Variants in EBF2 observed in about 807,000 individuals in gnomAD.
EBF2 encodes the protein EBF transcription factor 2.
In EBF2, 21 loss-of-function variants were observed where a neutral mutation model predicts 72.8. The observed-to-expected ratio is 0.29, with a 90% CI of 0.20 to 0.42. The LOEUF is 0.42. EBF2 is among the 10% of genes least tolerant of loss of function. The pLI, the probability that EBF2 is intolerant of heterozygous loss-of-function variation, is 1.00. For synonymous variants in EBF2, 299 were observed against 274.2 expected (o/e 1.09, Z -0.89); for missense variants, 637 against 731.2 (o/e 0.87, Z 1.49).
chr8:25,984,062 G>A (rs1804407405), intron 6 of EBF2, among the ~76,000 whole-genome samples: 1 of 152,164 alleles, frequency 6.6e-6, no homozygotes, highest in African/African-American at 2.4e-5. Flanking sequence ...CAACGTCAAA[G>A]ACAGGAAAGA....
intron 10 of EBF2, among the ~76,000 whole-genome samples, chr8:25,865,160 A>C (rs181711613): frequency 6.6e-6 from 1 of 152,258 alleles, no homozygotes; most frequent in East Asian, 1.9e-4. Context: ...ATTTCAAAAA[A>C]AATTTCAGTT....
chr8:25,850,508 T>C, intron 15 of EBF2, 86 bp downstream of exon 15: 2 of 1,388,070 alleles, frequency 1.4e-6, no homozygotes, highest in Non-Finnish European at 1.9e-6. Context: ...GGTAAATGGC[T>C]GGAGCTATAC....
intron 6 of EBF2, among the ~76,000 whole-genome samples, chr8:25,978,578 G>A (rs1804304983): frequency 6.6e-6 from 1 of 152,148 alleles, no homozygotes; most frequent in Admixed American, 6.5e-5. Flanking sequence ...ACAAGGTGCA[G>A]CCCTCCTGAG....
intron 14 of EBF2, among the ~76,000 whole-genome samples, chr8:25,855,924 GC>G (rs1249770253): frequency 6.6e-6 from 1 of 152,132 alleles, no homozygotes; most frequent in African/African-American, 2.4e-5. Context: ...TGGGCAGGTT[GC>G]CTTCCTCTTT....
At chr8:26,036,940 A>G (rs983184967) in intron 5 of EBF2, among the ~76,000 whole-genome samples, 20 of 152,174 alleles carry the variant, frequency 1.3e-4, no homozygotes, top group Admixed American at 3.3e-4. Context: ...GAGAAGAGGA[A>G]ACTGAGCTTG....
chr8:25,928,800 A>AAAAAAC (rs1554570965), intron 6 of EBF2, among the ~76,000 whole-genome samples: 15 of 151,246 alleles, frequency 9.9e-5, no homozygotes, highest in African/African-American at 3.6e-4. Context: ...AAAAAAAAAA[A>AAAAAAC]ACCAGGGAAA....
intron 6 of EBF2, among the ~76,000 whole-genome samples, chr8:25,915,580 G>A (rs1349998564): frequency 6.9e-6 from 1 of 144,454 alleles, no homozygotes; most frequent in Non-Finnish European, 1.5e-5. Flanking sequence ...CAAAGAGATG[G>A]CATAGCCCAA....
chr8:25,997,728 G>C (rs1451137935), intron 6 of EBF2, among the ~76,000 whole-genome samples: 2 of 152,180 alleles, frequency 1.3e-5, no homozygotes, highest in Non-Finnish European at 2.9e-5. Flanking sequence ...TGAGAAGGCA[G>C]TTTCTCTCTC....
At chr8:25,964,044 A>G (rs1361544276) in intron 6 of EBF2, among the ~76,000 whole-genome samples, 1 of 152,174 alleles carries the variant, frequency 6.6e-6, no homozygotes, top group African/African-American at 2.4e-5. Flanking sequence ...ACTTTGTATC[A>G]ATAGGATCAA....
At chr8:25,963,575 G>A (rs904846620) in intron 6 of EBF2, among the ~76,000 whole-genome samples, 2 of 152,060 alleles carry the variant, frequency 1.3e-5, no homozygotes, top group Non-Finnish European at 2.9e-5. Context: ...CAAAATGAGG[G>A]TCTCATTTTC....
chr8:26,031,184 T>C (rs944414071), intron 6 of EBF2, among the ~76,000 whole-genome samples: 2 of 152,104 alleles, frequency 1.3e-5, no homozygotes, highest in African/African-American at 4.8e-5. Context: ...AAAGAGAAGC[T>C]AAAGATAGTG....
chr8:25,993,113 C>T (rs150716316), intron 6 of EBF2, among the ~76,000 whole-genome samples: 1 of 152,022 alleles, frequency 6.6e-6, no homozygotes, highest in African/African-American at 2.4e-5. Context: ...AAATCCACTC[C>T]CCTGAAAAAC....
At chr8:25,969,928 C>T (rs1804166469) in intron 6 of EBF2, among the ~76,000 whole-genome samples, 1 of 152,190 alleles carries the variant, frequency 6.6e-6, no homozygotes, top group South Asian at 2.1e-4. Context: ...GTAAGGCAGG[C>T]TTAGCACAGT....
At chr8:26,003,856 C>T (rs573530678) in intron 6 of EBF2, among the ~76,000 whole-genome samples, 1 of 152,132 alleles carries the variant, frequency 6.6e-6, no homozygotes, top group Non-Finnish European at 1.5e-5. Flanking sequence ...ACCTCTCTGG[C>T]GAAGCACCAG....
chr8:25,876,640 C>T (rs1238397651), intron 10 of EBF2, among the ~76,000 whole-genome samples: 3 of 152,100 alleles, frequency 2.0e-5, no homozygotes, highest in Non-Finnish European at 2.9e-5. Flanking sequence ...CCAAGTAAAA[C>T]AAGACAAGAC....
chr8:26,003,857 G>A (rs535851523), intron 6 of EBF2, among the ~76,000 whole-genome samples: 38 of 152,240 alleles, frequency 2.5e-4, no homozygotes, highest in Non-Finnish European at 4.0e-4. Flanking sequence ...CCTCTCTGGC[G>A]AAGCACCAGG....
intron 14 of EBF2, 125 bp from the exon 15 acceptor site, chr8:25,850,886 A>G (rs967940865): frequency 2.7e-6 from 3 of 1,112,084 alleles, no homozygotes; most frequent in South Asian, 3.5e-5. Flanking sequence ...GGATTAAAAA[A>G]AAAAAGTTGA....
intron 6 of EBF2, among the ~76,000 whole-genome samples, chr8:25,949,487 G>A (rs763820975): frequency 3.3e-5 from 5 of 152,076 alleles, no homozygotes; most frequent in Non-Finnish European, 7.3e-5. Context: ...TTTACAAGAG[G>A]TGCGCCCTGA....
intron 6 of EBF2, among the ~76,000 whole-genome samples, chr8:25,980,220 T>C (rs1804337774): frequency 6.6e-6 from 1 of 152,158 alleles, no homozygotes; most frequent in Non-Finnish European, 1.5e-5. Context: ...TGTTGCTCTG[T>C]TTTATTTTGA....
Sources: allele counts gnomAD v4.1 joint callset (sites outside exome capture counted in the v4.1 genomes callset), GRCh38; gene constraint gnomAD v4.1.1; transcripts MANE v1.5; gene names NCBI Gene and HGNC (gene_info 2026-07-23, HGNC 2026-07-21).